KSR2: variants seen among roughly 807,000 people sequenced by gnomAD.
KSR2 encodes kinase suppressor of ras 2.
KSR2 carries 25 observed loss-of-function variants against 107.8 expected under a neutral mutation model. The ratio of observed to expected loss-of-function variants is 0.23; its 90% CI spans 0.17 to 0.32. The LOEUF is 0.32. KSR2 is among the 10% of genes least tolerant of loss of function. The pLI is 1.00. For missense variants in KSR2, 887 were observed against 1,268.9 expected (o/e 0.70, Z 4.57); for synonymous variants, 480 against 507.0 (o/e 0.95, Z 0.71).
intron 14 of KSR2, among the ~76,000 whole-genome samples, chr12:117,509,195 C>A (rs558840924): frequency 6.6e-6 from 1 of 152,254 alleles, no homozygotes; most frequent in Non-Finnish European, 1.5e-5. Context: ...GAAAACAGAG[C>A]TAGAAGGTTG....
intron 7 of KSR2, among the ~76,000 whole-genome samples, chr12:117,561,081 G>A (rs1878085811): frequency 6.6e-6 from 1 of 152,142 alleles, no homozygotes; most frequent in South Asian, 2.1e-4. Flanking sequence ...TTATGATAAT[G>A]AGATACATTT....
chr12:117,613,120 C>T (rs1881695558), intron 5 of KSR2, among the ~76,000 whole-genome samples: 1 of 152,186 alleles, frequency 6.6e-6, no homozygotes, highest in Admixed American at 6.5e-5. Context: ...CTTCGGCTAG[C>T]AAATCCTGAC....
intron 5 of KSR2, among the ~76,000 whole-genome samples, chr12:117,620,857 G>A (rs1882157139): frequency 6.6e-6 from 1 of 152,248 alleles, no homozygotes; most frequent in South Asian, 2.1e-4. Flanking sequence ...GACCATTCTA[G>A]TCATATTTCA....
chr12:117,737,782 C>CAAAA (rs10587288), intron 4 of KSR2, among the ~76,000 whole-genome samples: 2 of 84,034 alleles, frequency 2.4e-5, no homozygotes, highest in African/African-American at 3.9e-5. Context: ...AATCCTGTCT[C>CAAAA]AAAAAAAAAA....
chr12:117,886,917 T>C (rs1490455867), intron 1 of KSR2, among the ~76,000 whole-genome samples: 1 of 152,164 alleles, frequency 6.6e-6, no homozygotes, highest in Non-Finnish European at 1.5e-5. Context: ...TACCTTTTCT[T>C]CTTTTTTCAT....
chr12:117,651,154 C>T (rs971559803), intron 5 of KSR2, among the ~76,000 whole-genome samples: 3 of 152,216 alleles, frequency 2.0e-5, no homozygotes, highest in African/African-American at 7.2e-5. Context: ...GAAATGGCAA[C>T]ATCCCCTCCC....
intron 14 of KSR2, among the ~76,000 whole-genome samples, chr12:117,519,397 C>T (rs1294423272): frequency 6.6e-6 from 1 of 152,210 alleles, no homozygotes; most frequent in Non-Finnish European, 1.5e-5. Flanking sequence ...TCTTAAAACC[C>T]AGCTTGTTGG....
At chr12:117,824,292 A>G (rs2137088312) in intron 3 of KSR2, among the ~76,000 whole-genome samples, 1 of 152,268 alleles carries the variant, frequency 6.6e-6, no homozygotes, top group South Asian at 2.1e-4. Flanking sequence ...AAGTTGGATT[A>G]ATGGGTACAA....
intron 14 of KSR2, among the ~76,000 whole-genome samples, chr12:117,520,464 G>A (rs1219277591): frequency 6.6e-6 from 1 of 152,142 alleles, no homozygotes; most frequent in East Asian, 1.9e-4. Context: ...CTTACCCACT[G>A]TCAGAACAGC....
At chr12:117,810,262 C>G (rs1891150167) in intron 3 of KSR2, among the ~76,000 whole-genome samples, 1 of 152,184 alleles carries the variant, frequency 6.6e-6, no homozygotes, top group African/African-American at 2.4e-5. Context: ...TCTACAGTAT[C>G]TCCATCAACT....
At chr12:117,499,515 T>C (rs1013819744) in intron 14 of KSR2, among the ~76,000 whole-genome samples, 2 of 152,160 alleles carry the variant, frequency 1.3e-5, no homozygotes, top group Non-Finnish European at 2.9e-5. Flanking sequence ...GGAACTGAAA[T>C]GAGAAAGTGG....
chr12:117,761,160 C>A lies in KSR2; in HGVS notation c.837G>T (p.Met279Ile), dbSNP rs767653716. The stretch of plus-strand genomic sequence containing the variant: ...GGGGCTTCAGCTTGTTCTTCTTCCT[C>A]ATGGGCGGCGTGCCCGGCGGGGTCA... ...TTVTPPGTPP[M>I]RKKNKLKPPG... The change falls in exon 4 of 20, where the codon ATG becomes ATT. Residue 279 changes from methionine (M) to isoleucine (I), a missense_variant. Around this residue, in one of 8 missense-constraint regions of KSR2, gnomAD observed 399 missense variants for 479.5 expected, o/e 0.83. Coordinates refer to ENST00000339824, the MANE Select transcript of KSR2 (RefSeq NM_173598.6). 1 of 1,606,452 alleles carries A rather than the reference C, an allele frequency of 6.2e-7. No individual in the cohort carries two copies. The highest frequency in any genetic ancestry group is 8.5e-7 in the Non-Finnish European group (1 of 1,175,214).
intron 1 of KSR2, among the ~76,000 whole-genome samples, chr12:117,942,551 G>A (rs114318016): frequency 0.015 from 2,258 of 149,552 alleles, 73 homozygotes; most frequent in African/African-American, 0.053. Flanking sequence ...TGTAGTAGTG[G>A]GATCATGGCT....
intron 3 of KSR2, among the ~76,000 whole-genome samples, chr12:117,841,305 T>C (rs1451543190): frequency 1.3e-5 from 2 of 152,114 alleles, no homozygotes; most frequent in African/African-American, 4.8e-5. Flanking sequence ...TCCCTGCAAG[T>C]TTCAAACATA....
chr12:117,642,293 T>A (rs1883410774), intron 5 of KSR2, among the ~76,000 whole-genome samples: 1 of 152,230 alleles, frequency 6.6e-6, no homozygotes, highest in African/African-American at 2.4e-5. Context: ...CGTTTCCTCG[T>A]TGCCCATCAC....
chr12:117,771,748 A>G (rs1344235599), intron 3 of KSR2, among the ~76,000 whole-genome samples: 1 of 152,176 alleles, frequency 6.6e-6, no homozygotes, highest in Non-Finnish European at 1.5e-5. Flanking sequence ...TATAGTTGGT[A>G]GTAACCTACA....
At chr12:117,815,328 G>A (rs1354357594) in intron 3 of KSR2, among the ~76,000 whole-genome samples, 3 of 152,080 alleles carry the variant, frequency 2.0e-5, no homozygotes, top group Non-Finnish European at 2.9e-5. Flanking sequence ...TTAAATACTA[G>A]GAAGCCATGA....
chr12:117,625,327 T>TCAGAGAATATCATAC (rs1565931583), intron 5 of KSR2, among the ~76,000 whole-genome samples: 1 of 152,234 alleles, frequency 6.6e-6, no homozygotes. Context: ...CAGTATGATA[T>TCAGAGAATATCATAC]TGGCTGTGGG....
chr12:117,591,570 C>T (rs1413277338), intron 5 of KSR2, among the ~76,000 whole-genome samples: 2 of 151,924 alleles, frequency 1.3e-5, no homozygotes, highest in East Asian at 3.9e-4. Flanking sequence ...GGGCACTGCA[C>T]CAATGGCAGC....
Sources: allele counts gnomAD v4.1 joint callset (sites outside exome capture counted in the v4.1 genomes callset), GRCh38; gene constraint gnomAD v4.1.1; regional missense constraint gnomAD v4.1.1; transcripts MANE v1.5; gene names NCBI Gene and HGNC (gene_info 2026-07-23, HGNC 2026-07-21).